Variants in UTS2B observed in about 807,000 individuals in gnomAD.
UTS2B encodes the protein urotensin 2B.
UTS2B carries 21 observed loss-of-function variants against 19.2 expected under a neutral mutation model. That is an observed-to-expected ratio of 1.09 (90% CI 0.78 to 1.58). The LOEUF (loss-of-function observed/expected upper bound fraction) is 1.58, where lower values mean the gene tolerates loss of function less well. Among genes scored for constraint, UTS2B ranks in the 40% most tolerant of loss-of-function variants. The pLI, the probability that UTS2B is intolerant of heterozygous loss-of-function variation, is 0.00. For synonymous variants in UTS2B, 57 were observed against 50.2 expected (o/e 1.14, Z -0.58); for missense variants, 138 against 130.3 (o/e 1.06, Z -0.29).
At chr3:191,278,544 A>G (rs1202130840) in intron 5 of UTS2B, among the ~76,000 whole-genome samples, 5 of 152,066 alleles carry the variant, frequency 3.3e-5, no homozygotes, top group Admixed American at 3.3e-4. Context: ...AAATAAAAAT[A>G]TAGCATTCTA....
chr3:191,282,233 G>A lies in UTS2B; in HGVS notation c.-44C>T. ...GACTAGCAAAGAAACAGACTTTCCA[G>A]GTCAAGATGGATATTTCTATAGCTT... On this transcript the variant is annotated 5_prime_UTR_variant, in exon 5 of 9. Coordinates refer to ENST00000340524, the MANE Select transcript of UTS2B (RefSeq NM_198152.5). 7.0e-7 allele frequency: 1 copy of A among 1,420,972 alleles called. No homozygotes were observed. The highest frequency in any genetic ancestry group is 9.8e-7 in the Non-Finnish European group (1 of 1,024,018). 88.0% of individuals were successfully genotyped at this position (1,420,972 alleles called of 1,614,324 possible).
chr3:191,283,677 T>G (rs1398615490), intron 4 of UTS2B, among the ~76,000 whole-genome samples: 1 of 152,176 alleles, frequency 6.6e-6, no homozygotes, highest in African/African-American at 2.4e-5. Context: ...TAACCAAAAT[T>G]TCTAGTAATT....
chr3:191,291,954 T>A (rs1472132094), intron 4 of UTS2B, among the ~76,000 whole-genome samples: 1 of 152,216 alleles, frequency 6.6e-6, no homozygotes, highest in Non-Finnish European at 1.5e-5. Context: ...TTGACCAATT[T>A]GTCCATTCTT....
chr3:191,280,144 G>C (rs1716345233), intron 5 of UTS2B, among the ~76,000 whole-genome samples: 1 of 152,054 alleles, frequency 6.6e-6, no homozygotes, highest in Non-Finnish European at 1.5e-5. Context: ...CCATCTACAT[G>C]GGAAGGTTTT....
intron 4 of UTS2B, among the ~76,000 whole-genome samples, chr3:191,286,928 A>C (rs1716560870): frequency 6.6e-6 from 1 of 152,106 alleles, no homozygotes; most frequent in Non-Finnish European, 1.5e-5. Context: ...AATAGAAAAA[A>C]AAAATTGATA....
At chr3:191,294,593 A>G (rs1007307531) in intron 4 of UTS2B, 1 of 151,968 alleles carries the variant, frequency 6.6e-6, no homozygotes, top group Admixed American at 6.5e-5. Flanking sequence ...GTAGTTCTAG[A>G]AAAGGTCCAT....
At chr3:191,341,555 A>G in the UTS2B span, among the ~76,000 whole-genome samples, 2 of 152,202 alleles carry the variant, frequency 1.3e-5, no homozygotes, top group East Asian at 3.8e-4. Context: ...ATGTTATTGA[A>G]GTCTTAGCAT....
chr3:191,329,626 G>T lies in UTS2B; in HGVS notation c.-665+788C>A, dbSNP rs552812594. On this transcript the variant is annotated intron_variant, in intron 1 of 8. Coordinates refer to ENST00000340524, the MANE Select transcript of UTS2B (RefSeq NM_198152.5). ...GCTCGGGGCCCCGCTCGGCGCCGGC[G>T]GTGACCGGGAAGCCCGCGTTAAAGG... The T allele has an allele frequency of 4.4e-6, 7 of 1,582,026 alleles. No individual in the cohort carries two copies. In the South Asian group the frequency reaches 6.9e-5, roughly 16 times the overall value.
chr3:191,329,712 G>C, intron 1 of UTS2B: 1 of 1,610,348 alleles, frequency 6.2e-7, no homozygotes, highest in Non-Finnish European at 8.5e-7. Context: ...AAGCTGCCTG[G>C]AGTCAAGGAA....
chr3:191,295,740 A>G (rs1716841070), intron 4 of UTS2B, among the ~76,000 whole-genome samples: 1 of 151,954 alleles, frequency 6.6e-6, no homozygotes, highest in South Asian at 2.1e-4. Flanking sequence ...AGAAAATGGC[A>G]TGACCATTTA....
At chr3:191,299,531 G>A (rs1716939115) in intron 4 of UTS2B, among the ~76,000 whole-genome samples, 1 of 152,280 alleles carries the variant, frequency 6.6e-6, no homozygotes, top group Admixed American at 6.5e-5. Flanking sequence ...TGGGTGCACA[G>A]AGTGCAAGAG....
chr3:191,268,485 G>T, intron 8 of UTS2B, 44 bp from the exon 9 acceptor site: 1 of 1,412,652 alleles, frequency 7.1e-7, no homozygotes, highest in Non-Finnish European at 9.8e-7. Context: ...AAGTATATTT[G>T]ATAAAACTTG....
In UTS2B at chr3:191,288,108, A is replaced by T. The variant is rs186119001; in HGVS notation, c.-124-5795T>A. On this transcript the variant is annotated intron_variant, in intron 4 of 8. Coordinates refer to ENST00000340524, the MANE Select transcript of UTS2B (RefSeq NM_198152.5). ...GGTAAAAGACCTGTATACTGACAAC[A>T]ACAAAACATTGATGAAAGACACAAG... Among the ~76,000 whole-genome samples, 149 of 152,312 alleles carry T rather than the reference A, an allele frequency of 9.8e-4. 1 individual carries two copies. Among genetic ancestry groups the T allele is most frequent in the Admixed American group, 9.7e-3 (149 of 15,300 alleles).
chr3:191,308,630 C>T (rs1717208496), intron 3 of UTS2B, among the ~76,000 whole-genome samples: 1 of 152,274 alleles, frequency 6.6e-6, no homozygotes, highest in South Asian at 2.1e-4. Flanking sequence ...CATTTGATGT[C>T]ATCCCCCTTC....
upstream of UTS2B, among the ~76,000 whole-genome samples, chr3:191,335,037 A>G (rs924675543): frequency 3.9e-5 from 6 of 152,224 alleles, no homozygotes; most frequent in African/African-American, 1.4e-4. Context: ...ATTTAAAGGT[A>G]GAAACTCTAA....
At chr3:191,308,969 C>T (rs1010197978) in intron 3 of UTS2B, among the ~76,000 whole-genome samples, 8 of 152,182 alleles carry the variant, frequency 5.3e-5, no homozygotes, top group African/African-American at 1.9e-4. Flanking sequence ...GGACCATTAA[C>T]ATAGTCATGT....
chr3:191,269,649 T>C (rs886258605), intron 8 of UTS2B, among the ~76,000 whole-genome samples: 2 of 152,122 alleles, frequency 1.3e-5, no homozygotes, highest in Non-Finnish European at 2.9e-5. Flanking sequence ...GGACTACAGG[T>C]GCATGCCACC....
At chr3:191,289,043 C>T (rs1716633797) in intron 4 of UTS2B, among the ~76,000 whole-genome samples, 3 of 152,142 alleles carry the variant, frequency 2.0e-5, no homozygotes, top group South Asian at 4.2e-4. Context: ...AGCAAAAGAC[C>T]TTATGGAGAG....
chr3:191,307,909 C>T (rs186629785), intron 3 of UTS2B, among the ~76,000 whole-genome samples: 1 of 150,458 alleles, frequency 6.6e-6, no homozygotes, highest in Non-Finnish European at 1.5e-5. Context: ...AATCTCAGCT[C>T]ACCACAACCT....
Sources: allele counts gnomAD v4.1 joint callset (sites outside exome capture counted in the v4.1 genomes callset), GRCh38; gene constraint gnomAD v4.1.1; transcripts MANE v1.5; gene names NCBI Gene and HGNC (gene_info 2026-07-23, HGNC 2026-07-21).